RGS10: variants seen among roughly 807,000 people sequenced by gnomAD.
RGS10 encodes the protein regulator of G protein signaling 10, also known as regulator of G-protein signalling 10.
RGS10 carries 11 observed loss-of-function variants against 23.5 expected under a neutral mutation model. The ratio of observed to expected loss-of-function variants is 0.47; its 90% CI spans 0.29 to 0.77. The LOEUF is 0.77. Among genes scored for constraint, RGS10 ranks in the 30% least tolerant of loss-of-function variants. The probability of loss-of-function intolerance (pLI) is 0.08; values close to 1 mark genes in which losing one functional copy is unlikely to be tolerated. For synonymous variants in RGS10, 77 were observed against 83.2 expected (o/e 0.92, Z 0.41); for missense variants, 180 against 226.3 (o/e 0.80, Z 1.31).
rs144312370 is a variant in RGS10, at chr10:119,532,076, A to G, written c.50-4652T>C. 2.0e-4 allele frequency among the ~76,000 whole-genome samples: 31 copies of G among 152,276 alleles called. No homozygotes were observed. The East Asian group carries it at 5.0e-3, about 25-fold the overall frequency. ...CATAAGTGGAATAGAAGATCCTTCT[A>G]TCTGAGATACCTGCTCTCTATCTGT... On this transcript the variant is annotated intron_variant, in intron 1 of 4. Transcript: ENST00000369103.
intron 4 of RGS10, among the ~76,000 whole-genome samples, chr10:119,515,023 C>A (rs1447370477): frequency 6.6e-6 from 1 of 152,192 alleles, no homozygotes; most frequent in Non-Finnish European, 1.5e-5. Context: ...CCAATGCTAA[C>A]CTTTTCATTA....
At chr10:119,503,545 G>A (rs1329351916) in intron 4 of RGS10, among the ~76,000 whole-genome samples, 2 of 152,126 alleles carry the variant, frequency 1.3e-5, no homozygotes, top group African/African-American at 2.4e-5. Context: ...TAGTACCAAC[G>A]CGGCTGCAGT....
chr10:119,501,934 C>T (rs1191836896), intron 4 of RGS10, among the ~76,000 whole-genome samples: 1 of 151,970 alleles, frequency 6.6e-6, no homozygotes, highest in Non-Finnish European at 1.5e-5. Context: ...AGAGAAAGAC[C>T]TGGGACTTTA....
intron 1 of RGS10, among the ~76,000 whole-genome samples, chr10:119,540,425 ATTTT>A (rs1434729155): frequency 6.6e-6 from 1 of 151,958 alleles, no homozygotes; most frequent in Non-Finnish European, 1.5e-5. Flanking sequence ...TAATTTTTTA[ATTTT>A]TTTGTAGAGA....
chr10:119,542,519 G>T, intron 1 of RGS10, 71 bp downstream of exon 1: 4 of 1,293,720 alleles, frequency 3.1e-6, no homozygotes, highest in Non-Finnish European at 4.0e-6. Context: ...GAGCACAAGA[G>T]GGAGGGCAGG....
intron 4 of RGS10, among the ~76,000 whole-genome samples, chr10:119,505,013 C>T (rs1345222180): frequency 6.6e-6 from 1 of 152,164 alleles, no homozygotes; most frequent in Non-Finnish European, 1.5e-5. Flanking sequence ...TTGTTGATTT[C>T]ACCTCACCCC....
At chr10:119,510,169 C>T (rs933466300) in intron 4 of RGS10, among the ~76,000 whole-genome samples, 3 of 152,156 alleles carry the variant, frequency 2.0e-5, no homozygotes, top group Non-Finnish European at 4.4e-5. Flanking sequence ...GTAAGAGGTC[C>T]AAGCCTTACC....
chr10:119,528,295 T>C (rs1254801877), intron 1 of RGS10, among the ~76,000 whole-genome samples: 1 of 152,064 alleles, frequency 6.6e-6, no homozygotes. Context: ...CCTCCCAAAG[T>C]GCTGGGATTA....
rs535597500 is a variant in RGS10, at chr10:119,508,148, C to T, written c.399+7361G>A. Among the ~76,000 whole-genome samples the T allele has an allele frequency of 2.6e-4, 40 of 152,152 alleles. No homozygotes were observed. The South Asian group carries it at 8.3e-3, about 32-fold the overall frequency. ...GAGTAGCTGAGAATACAGGCGTGCA[C>T]CACCATGTCCGGCTAATTTTTTTGT... On this transcript the variant is annotated intron_variant, in intron 4 of 4. Coordinates refer to ENST00000369103, the MANE Select transcript of RGS10 (RefSeq NM_001005339.2).
intron 4 of RGS10, among the ~76,000 whole-genome samples, chr10:119,509,463 C>T (rs2059240012): frequency 1.3e-5 from 2 of 150,646 alleles, no homozygotes; most frequent in Admixed American, 6.6e-5. Flanking sequence ...TGTTGACGCT[C>T]GCCTGTAGTA....
chr10:119,530,087 T>TC (rs2133958301), intron 1 of RGS10, among the ~76,000 whole-genome samples: 1 of 152,310 alleles, frequency 6.6e-6, no homozygotes, highest in South Asian at 2.1e-4. Flanking sequence ...CGAGACTCCA[T>TC]CTGATTAAAT....
chr10:119,529,389 G>A (rs1171372452), intron 1 of RGS10, among the ~76,000 whole-genome samples: 2 of 152,146 alleles, frequency 1.3e-5, no homozygotes, highest in African/African-American at 4.8e-5. Context: ...GGGAGGCGGA[G>A]GTTGCAGTGA....
At chr10:119,520,046 G>C (rs531029258) in intron 3 of RGS10, among the ~76,000 whole-genome samples, 31 of 152,218 alleles carry the variant, frequency 2.0e-4, no homozygotes, top group Non-Finnish European at 3.4e-4. Context: ...TGGAAACTTC[G>C]ATCCCCTGTA....
At chr10:119,515,427 A>G in intron 4 of RGS10, 82 bp downstream of exon 4, 4 of 1,540,418 alleles carry the variant, frequency 2.6e-6, no homozygotes, top group East Asian at 2.3e-5. Context: ...GGAGTCTAAC[A>G]TCGGGTGTTT....
chr10:119,531,425 T>C (rs1290759875), intron 1 of RGS10, among the ~76,000 whole-genome samples: 1 of 152,194 alleles, frequency 6.6e-6, no homozygotes, highest in Non-Finnish European at 1.5e-5. Flanking sequence ...CACGCTGTCT[T>C]GCAAATAAAT....
intron 1 of RGS10, among the ~76,000 whole-genome samples, chr10:119,534,270 A>C (rs1413555617): frequency 1.0e-5 from 1 of 97,250 alleles, no homozygotes; most frequent in Non-Finnish European, 2.5e-5. Flanking sequence ...TAAATAAATA[A>C]ATAAATAAAT....
At chr10:119,505,322 CTTTTTTTT>C (rs11317053) in intron 4 of RGS10, among the ~76,000 whole-genome samples, 9 of 90,066 alleles carry the variant, frequency 1.0e-4, no homozygotes, top group African/African-American at 2.7e-4. Flanking sequence ...CATTCTGCAT[CTTTTTTTT>C]TTTTTTTTTT....
chr10:119,542,684 G>A lies in RGS10; in HGVS notation c.-46C>T, dbSNP rs1005899327. The A allele has an allele frequency of 1.4e-5, 19 of 1,332,066 alleles. No homozygotes were observed. The highest frequency in any genetic ancestry group is 1.6e-5 in the Non-Finnish European group (17 of 1,041,216). The allele number at this position is 1,332,066 out of a possible 1,614,324, so 82.5% of individuals were successfully genotyped here. On this transcript the variant is annotated 5_prime_UTR_variant, in exon 1 of 5. Transcript: ENST00000369103. ...GAAGAAGGAGCAGCCCGGCGGCGCGGCGGCTGAGCCGGAGGAAGGCGAGGA... is the reference window on the plus strand; with the variant it reads ...GAAGAAGGAGCAGCCCGGCGGCGCGACGGCTGAGCCGGAGGAAGGCGAGGA...
At chr10:119,505,733 A>T (rs1335933255) in intron 4 of RGS10, among the ~76,000 whole-genome samples, 2 of 152,206 alleles carry the variant, frequency 1.3e-5, no homozygotes, top group African/African-American at 4.8e-5. Context: ...GACCTCAACC[A>T]GCCTTGAAGG....
Sources: gnomAD v4.1 joint callset for allele counts (sites outside exome capture counted in the v4.1 genomes callset) on GRCh38, gnomAD v4.1.1 for gene constraint, MANE v1.5 for transcripts, NCBI Gene and HGNC (gene_info 2026-07-23, HGNC 2026-07-21) for gene names.